Variants in MBOAT1 observed in about 807,000 individuals in gnomAD.
MBOAT1 encodes membrane bound glycerophospholipid O-acyltransferase 1, also known as membrane-bound glycerophospholipid O-acyltransferase 1.
A neutral mutation model predicts 64.4 loss-of-function variants in MBOAT1; 67 were observed. The observed-to-expected ratio is 1.04, with a 90% confidence interval of 0.85 to 1.27. The LOEUF (loss-of-function observed/expected upper bound fraction) is 1.27, where lower values mean the gene tolerates loss of function less well. Among genes scored for constraint, MBOAT1 ranks in the 50% most tolerant of loss-of-function variants. The pLI, the probability that MBOAT1 is intolerant of heterozygous loss-of-function variation, is 0.00. For synonymous variants in MBOAT1, 229 were observed against 218.9 expected, an observed-to-expected ratio of 1.05 and a Z score of -0.41; for missense variants, 563 against 604.6, an observed-to-expected ratio of 0.93 and a Z score of 0.72.
rs971024066 is a variant in MBOAT1 at position 20,156,176 on chromosome 6, TAGG to T, written c.100-3410_100-3408del. On this transcript the variant is annotated intron_variant, in intron 1 of 12. Coordinates refer to ENST00000324607, the MANE Select transcript of MBOAT1 (RefSeq NM_001080480.3). The stretch of plus-strand genomic sequence containing the variant: ...GTCCCAGCTACTCGGGAGGCTGAGA[TAGG>T]AGAATGGCGCGAACCTGGGAGGCAG... 7.1e-4 allele frequency among the ~76,000 whole-genome samples: 105 copies of T among 148,322 alleles called. 2 individuals are homozygous for T. Among genetic ancestry groups the T allele is most frequent in the African/African-American group, 2.5e-3 (101 of 39,996 alleles).
At chr6:20,176,065 C>A (rs1030740821) in intron 1 of MBOAT1, among the ~76,000 whole-genome samples, 2 of 152,224 alleles carry the variant, frequency 1.3e-5, no homozygotes, top group Non-Finnish European at 2.9e-5. Context: ...AGAAGGATCA[C>A]TTGAGGCCAG....
At chr6:20,156,270 C>CAAAA (rs371464826) in intron 1 of MBOAT1, among the ~76,000 whole-genome samples, 3 of 100,886 alleles carry the variant, frequency 3.0e-5, no homozygotes, top group East Asian at 3.2e-4. Context: ...GACTCCCTCT[C>CAAAA]AAAAAAAAAA....
chr6:20,112,389 C>T (rs2113633666), intron 11 of MBOAT1, among the ~76,000 whole-genome samples: 1 of 152,306 alleles, frequency 6.6e-6, no homozygotes, highest in South Asian at 2.1e-4. Flanking sequence ...CGTGTGAACA[C>T]ATGAGGTTAA....
At chr6:20,154,956 A>G (rs912074606) in intron 1 of MBOAT1, among the ~76,000 whole-genome samples, 1 of 152,208 alleles carries the variant, frequency 6.6e-6, no homozygotes, top group Non-Finnish European at 1.5e-5. Context: ...TCAACATCCA[A>G]TGGCAACTGG....
At chr6:20,120,505 C>T (rs1760464910) in intron 8 of MBOAT1, among the ~76,000 whole-genome samples, 1 of 152,046 alleles carries the variant, frequency 6.6e-6, no homozygotes, top group South Asian at 2.1e-4. Context: ...CCCATCTCTA[C>T]TAAAAATACA....
chr6:20,170,466 T>G lies in MBOAT1; in HGVS notation c.100-17697A>C, dbSNP rs114933672. On this transcript the variant is annotated intron_variant, in intron 1 of 12. Transcript: ENST00000324607. The stretch of plus-strand genomic sequence containing the variant: ...AGCTGTTCAGGCCAGAAACTAGAGT[T>G]GTATCTCCCTCTCTAACACCCCATT... Among the ~76,000 whole-genome samples the G allele has an allele frequency of 2.2e-3, 336 of 152,330 alleles. 1 individual carries two copies. Among genetic ancestry groups the G allele is most frequent in the African/African-American group, 7.8e-3 (324 of 41,586 alleles).
Position 20,212,145 on chromosome 6 carries a change from C to T in MBOAT1, c.90G>A (p.Pro30=), listed in dbSNP as rs1411439605. The T allele has an allele frequency of 1.9e-6, 3 of 1,613,506 alleles. No homozygotes were observed. The highest frequency in any genetic ancestry group is 1.7e-5 in the Admixed American group (1 of 60,004). ...LHPLSELLGI[P]LDQVNFVVCQ... ...CCCGGCCTGCAGTTACCTGGTCCAG[C>T]GGGATGCCCAGGAGCTCGCTGAGCG... Residue 30 remains proline, a synonymous_variant, in exon 1 of 13, where the codon CCG becomes CCA. Transcript: ENST00000324607.
intron 2 of MBOAT1, among the ~76,000 whole-genome samples, chr6:20,151,829 A>G (rs935053429): frequency 1.3e-5 from 2 of 152,166 alleles, no homozygotes; most frequent in African/African-American, 2.4e-5. Flanking sequence ...CTGTTAAAGA[A>G]TGATTCACAT....
intron 6 of MBOAT1, 72 bp downstream of exon 6, chr6:20,128,627 T>G: frequency 8.8e-7 from 1 of 1,131,520 alleles, no homozygotes; most frequent in Non-Finnish European, 1.3e-6. Context: ...TGTGTAGATA[T>G]TTTTAAATGA....
intron 4 of MBOAT1, among the ~76,000 whole-genome samples, chr6:20,142,664 G>C (rs1352543682): frequency 6.6e-6 from 1 of 152,036 alleles, no homozygotes; most frequent in Admixed American, 6.6e-5. Context: ...TGGTCAGGCT[G>C]GTCTCAAACT....
At chr6:20,103,394 C>T (rs1455937176) in intron 12 of MBOAT1, among the ~76,000 whole-genome samples, 2 of 151,964 alleles carry the variant, frequency 1.3e-5, no homozygotes, top group South Asian at 2.1e-4. Context: ...ACCTGTACCA[C>T]GTTTTTGTTG....
intron 1 of MBOAT1, among the ~76,000 whole-genome samples, chr6:20,154,706 T>C (rs568272721): frequency 1.0e-3 from 153 of 152,310 alleles, no homozygotes; most frequent in African/African-American, 3.7e-3. Flanking sequence ...TCTTTTCATC[T>C]AGACTGAATG....
At chr6:20,185,690 G>A (rs563663508) in intron 1 of MBOAT1, among the ~76,000 whole-genome samples, 1 of 152,302 alleles carries the variant, frequency 6.6e-6, no homozygotes, top group African/African-American at 2.4e-5. Context: ...ACCCATGACA[G>A]TGTCCAACAT....
chr6:20,118,248 CT>C (rs1335893771), intron 9 of MBOAT1, among the ~76,000 whole-genome samples, 188 bp downstream of exon 9: 2 of 139,060 alleles, frequency 1.4e-5, no homozygotes, highest in Non-Finnish European at 3.2e-5. Context: ...AAGTAGATAT[CT>C]TAAAAAAAAA....
intron 1 of MBOAT1, among the ~76,000 whole-genome samples, chr6:20,163,606 ACT>A (rs1761927321): frequency 6.6e-6 from 1 of 152,104 alleles, no homozygotes; most frequent in Non-Finnish European, 1.5e-5. Flanking sequence ...GTCTGGTTCT[ACT>A]CAGGCACAAC....
At chr6:20,171,159 ATG>A (rs1461857034) in intron 1 of MBOAT1, among the ~76,000 whole-genome samples, 1 of 152,152 alleles carries the variant, frequency 6.6e-6, no homozygotes, top group Admixed American at 6.5e-5. Context: ...TGAAAGGCTG[ATG>A]TGTAAGAATG....
chr6:20,167,428 T>G (rs1017789908), intron 1 of MBOAT1, among the ~76,000 whole-genome samples: 12 of 152,246 alleles, frequency 7.9e-5, no homozygotes, highest in African/African-American at 2.7e-4. Flanking sequence ...GCTGTTAATC[T>G]GTTAAATCTT....
chr6:20,116,541 A>G (rs1421992628), intron 9 of MBOAT1, among the ~76,000 whole-genome samples: 1 of 152,104 alleles, frequency 6.6e-6, no homozygotes, highest in Non-Finnish European at 1.5e-5. Flanking sequence ...GGGAGGAAGG[A>G]AGATAGATAG....
intron 1 of MBOAT1, among the ~76,000 whole-genome samples, chr6:20,186,858 ACT>A (rs1459577020): frequency 6.6e-6 from 1 of 152,234 alleles, no homozygotes; most frequent in East Asian, 1.9e-4. Flanking sequence ...CAGGTTCTAC[ACT>A]CTGACATGGA....
Sources: allele counts gnomAD v4.1 joint callset (sites outside exome capture counted in the v4.1 genomes callset), GRCh38; gene constraint gnomAD v4.1.1; transcripts MANE v1.5; gene names NCBI Gene and HGNC (gene_info 2026-07-23, HGNC 2026-07-21).